The following SLC25A13 variants were observed in gnomAD, a reference collection of about 807,000 sequenced individuals.
SLC25A13 encodes the protein solute carrier family 25 member 13, also known as electrogenic aspartate/glutamate antiporter SLC25A13, mitochondrial.
SLC25A13 carries 70 observed loss-of-function variants against 85.5 expected under a neutral mutation model. That is an observed-to-expected ratio of 0.82 (90% CI 0.68 to 1.00). The LOEUF is 1.00. Among genes scored for constraint, SLC25A13 ranks in the 50% least tolerant of loss-of-function variants. The probability of loss-of-function intolerance (pLI) is 0.00; values close to 1 mark genes in which losing one functional copy is unlikely to be tolerated. For synonymous variants in SLC25A13, 259 were observed against 288.7 expected (o/e 0.90, Z 1.04); for missense variants, 765 against 819.8 (o/e 0.93, Z 0.82).
Position 96,131,695 on chromosome 7 carries a change from G to A in SLC25A13, c.1591+48C>T, listed in dbSNP as rs373291117. The A allele has an allele frequency of 3.7e-4, 596 of 1,612,186 alleles. 1 individual carries two copies. The highest frequency in any genetic ancestry group is 8.8e-4 in the Middle Eastern group (5 of 5,668). ...GTAGTAGCATGCAGCTAGGGAAGGG[G>A]GGCAGCAAGGGTCAGGGAAGTAAGA... is the stretch of plus-strand genomic sequence containing the variant. On this transcript the variant is annotated intron_variant, in intron 15 of 17. Coordinates refer to ENST00000265631, the MANE Select transcript of SLC25A13 (RefSeq NM_014251.3).
rs1268098231 is a variant in SLC25A13 at position 96,141,011 on chromosome 7, TTTTC to T, written c.1452+5541_1452+5544del. The stretch of plus-strand genomic sequence containing the variant: ...TATTAATTTTGCGCATTCCTTTCTT[TTTTC>T]TTTCTTTTTTTTTTTTTTTTTTAGA... On this transcript the variant is annotated intron_variant, in intron 14 of 17. Transcript: ENST00000265631. Among the ~76,000 whole-genome samples, 189 of 144,656 alleles carry T rather than the reference TTTTC, an allele frequency of 1.3e-3. 2 individuals are homozygous for T. Among genetic ancestry groups the T allele is most frequent in the African/African-American group, 4.7e-3 (182 of 38,508 alleles). The allele number at this position is 144,656 out of a possible 152,430, so 94.9% of individuals were successfully genotyped here. A position where few individuals can be genotyped will look rare whatever the true frequency, so the allele number is the denominator to read the frequency against.
intron 13 of SLC25A13, among the ~76,000 whole-genome samples, chr7:96,147,358 T>C (rs1299086275): frequency 6.6e-6 from 1 of 152,228 alleles, no homozygotes; most frequent in Non-Finnish European, 1.5e-5. Context: ...AGATAAGTGG[T>C]ATATGAAAGT....
At chr7:96,141,435 C>T (rs1792558113) in intron 14 of SLC25A13, among the ~76,000 whole-genome samples, 1 of 152,220 alleles carries the variant, frequency 6.6e-6, no homozygotes, top group Non-Finnish European at 1.5e-5. Context: ...ACACAGTAAG[C>T]TCTCAATGAG....
At position 96,122,369 on chromosome 7, in the gene SLC25A13, G is replaced by A. The variant is rs73232567; in HGVS notation, c.1592-372C>T. On this transcript the variant is annotated intron_variant, in intron 15 of 17. Transcript: ENST00000265631. ...TTTCCTGTTGAAATCAAAAACTTGC[G>A]AAGTTATTAGGTCCGATTTTTCAGA... Among the ~76,000 whole-genome samples the A allele has an allele frequency of 2.6e-5, 4 of 152,198 alleles. No individual in the cohort carries two copies. The South Asian group carries it at 6.2e-4, about 24-fold the overall frequency.
intron 1 of SLC25A13, among the ~76,000 whole-genome samples, chr7:96,314,409 A>T (rs1386773246): frequency 6.6e-6 from 1 of 152,166 alleles, no homozygotes; most frequent in Non-Finnish European, 1.5e-5. Context: ...TAAACAGGCC[A>T]TGAAAATAGA....
chr7:96,167,712 G>A (rs1584400877), intron 13 of SLC25A13, among the ~76,000 whole-genome samples: 1 of 152,220 alleles, frequency 6.6e-6, no homozygotes, highest in East Asian at 1.9e-4. Flanking sequence ...AGATGAGGCT[G>A]TGGAACTCAC....
chr7:96,220,823 A>G (rs1301323977), intron 4 of SLC25A13, among the ~76,000 whole-genome samples: 1 of 152,056 alleles, frequency 6.6e-6, no homozygotes, highest in Non-Finnish European at 1.5e-5. Context: ...ATGCACACAC[A>G]GGGACAGCAG....
intron 3 of SLC25A13, among the ~76,000 whole-genome samples, chr7:96,263,049 C>T (rs1226342507): frequency 6.9e-6 from 1 of 144,206 alleles, no homozygotes; most frequent in African/African-American, 2.5e-5. Context: ...AAAAAAACAG[C>T]AGAGCTACTG....
intron 2 of SLC25A13, among the ~76,000 whole-genome samples, chr7:96,291,487 G>A (rs565963751): frequency 7.2e-5 from 11 of 152,266 alleles, no homozygotes; most frequent in South Asian, 2.1e-4. Flanking sequence ...AATGAATCCA[G>A]GAGCTGGTTT....
chr7:96,272,362 AGGAGAT>A (rs144790584), intron 3 of SLC25A13, among the ~76,000 whole-genome samples: 2,055 of 152,326 alleles, frequency 0.013, 42 homozygotes, highest in African/African-American at 0.047. Flanking sequence ...TAAATTTAAA[AGGAGAT>A]GTTATTATGA....
chr7:96,297,447 C>A (rs2116995983), intron 1 of SLC25A13, among the ~76,000 whole-genome samples: 1 of 152,144 alleles, frequency 6.6e-6, no homozygotes, highest in South Asian at 2.1e-4. Context: ...GATTCTCCTG[C>A]CTCAGCCTCC....
At chr7:96,172,495 T>C (rs961869828) in intron 11 of SLC25A13, among the ~76,000 whole-genome samples, 4 of 151,438 alleles carry the variant, frequency 2.6e-5, no homozygotes, top group East Asian at 3.9e-4. Flanking sequence ...GAGGTGGAGG[T>C]TGCAGTGAGC....
chr7:96,170,788 C>T (rs1284278852), intron 12 of SLC25A13, among the ~76,000 whole-genome samples: 1 of 152,240 alleles, frequency 6.6e-6, no homozygotes, highest in Non-Finnish European at 1.5e-5. Flanking sequence ...GCTACGCAGC[C>T]CAACCTAAAG....
intron 2 of SLC25A13, among the ~76,000 whole-genome samples, chr7:96,286,495 T>C (rs1798891154): frequency 6.6e-6 from 1 of 152,044 alleles, no homozygotes; most frequent in Non-Finnish European, 1.5e-5. Flanking sequence ...AACAAACCCT[T>C]CTCTACCTAC....
chr7:96,229,373 C>A (rs1796443417), intron 4 of SLC25A13, among the ~76,000 whole-genome samples: 1 of 152,100 alleles, frequency 6.6e-6, no homozygotes, highest in Non-Finnish European at 1.5e-5. Context: ...TCAAAATGGA[C>A]CAATCAGCTC....
chr7:96,265,602 G>T (rs1490522937), intron 3 of SLC25A13, among the ~76,000 whole-genome samples: 1 of 152,154 alleles, frequency 6.6e-6, no homozygotes, highest in African/African-American at 2.4e-5. Context: ...GTAATCAAGA[G>T]CAAGATTTAA....
intron 14 of SLC25A13, among the ~76,000 whole-genome samples, chr7:96,136,358 TG>T (rs747642473): frequency 5.3e-5 from 8 of 152,206 alleles, no homozygotes; most frequent in African/African-American, 9.6e-5. Context: ...GTGGACACTG[TG>T]CTGAAAGCCC....
At chr7:96,204,292 G>A (rs1361989514) in intron 5 of SLC25A13, among the ~76,000 whole-genome samples, 1 of 152,126 alleles carries the variant, frequency 6.6e-6, no homozygotes, top group Non-Finnish European at 1.5e-5. Context: ...AAGTGACTCA[G>A]TACTGACTAC....
chr7:96,154,885 C>T (rs1165880228), intron 13 of SLC25A13, among the ~76,000 whole-genome samples: 12 of 151,942 alleles, frequency 7.9e-5, no homozygotes, highest in Non-Finnish European at 1.8e-4. Flanking sequence ...GTAACCTCCG[C>T]CTCCTGGGTT....
Sources: allele counts gnomAD v4.1 joint callset (sites outside exome capture counted in the v4.1 genomes callset), GRCh38; gene constraint gnomAD v4.1.1; transcripts MANE v1.5; gene names NCBI Gene and HGNC (gene_info 2026-07-23, HGNC 2026-07-21).